BTBD3: variants seen among roughly 807,000 people sequenced by gnomAD.
BTBD3 encodes BTB domain containing 3, also known as BTB/POZ domain-containing protein 3.
In BTBD3, 14 loss-of-function variants were observed where a neutral mutation model predicts 41.6. The observed-to-expected ratio is 0.34, with a 90% confidence interval of 0.22 to 0.53. The LOEUF is 0.53. BTBD3 is among the 20% of genes least tolerant of loss of function. The pLI is 0.95. For synonymous variants in BTBD3, 249 were observed against 233.7 expected (o/e 1.07, Z -0.60); for missense variants, 426 against 654.7 (o/e 0.65, Z 3.81).
At position 11,924,285 on chromosome 20, in the gene BTBD3, A is replaced by G. The variant is rs41280294; in HGVS notation, c.*619A>G. 5,142 of 152,270 alleles carry G rather than the reference A, an allele frequency of 0.034. 169 individuals carry two copies. The highest frequency in any genetic ancestry group is 0.16 in the East Asian group (808 of 5,176). 9.4% of individuals were successfully genotyped at this position (152,270 alleles called of 1,614,324 possible). Reference sequence around the variant, plus strand: ...ATCAATGTAAAATTGGAAAATAAGGAACTGGGGGCATTTGTTTAGGCCATG... The same window carrying G: ...ATCAATGTAAAATTGGAAAATAAGGGACTGGGGGCATTTGTTTAGGCCATG... On this transcript the variant is annotated 3_prime_UTR_variant, in exon 4 of 4. Transcript: ENST00000378226.
At chr20:11,905,786 C>T (rs2056849729) in intron 1 of BTBD3, among the ~76,000 whole-genome samples, 1 of 152,128 alleles carries the variant, frequency 6.6e-6, no homozygotes, top group African/African-American at 2.4e-5. Flanking sequence ...GAAACTCTTG[C>T]CTTTTCTGTT....
At chr20:11,912,627 A>G (rs939596541) in intron 1 of BTBD3, among the ~76,000 whole-genome samples, 5 of 152,246 alleles carry the variant, frequency 3.3e-5, no homozygotes, top group African/African-American at 9.6e-5. Flanking sequence ...AGATGATTGC[A>G]TCACAAACGT....
chr20:11,915,134 CT>C (rs2122274437), upstream of BTBD3, among the ~76,000 whole-genome samples: 1 of 152,294 alleles, frequency 6.6e-6, no homozygotes, highest in East Asian at 1.9e-4. Context: ...TTTAAAAGTA[CT>C]AAGTGATTAT....
In BTBD3 at chr20:11,923,330, G is replaced by A; in HGVS notation, c.1233G>A (p.Gly411=). The A allele has an allele frequency of 1.2e-6, 2 of 1,614,196 alleles. No individual in the cohort carries two copies. Among genetic ancestry groups the A allele is most frequent in the Non-Finnish European group, 1.7e-6 (2 of 1,180,036 alleles). Residue 411 remains glycine (G), a synonymous_variant, in exon 4 of 4, where the codon GGG becomes GGA. Coordinates refer to ENST00000378226, the MANE Select transcript of BTBD3 (RefSeq NM_014962.4). The surrounding 1 kb of genome is among the most constrained non-coding windows in gnomAD (Gnocchi z 5.3). ...VDKRVFIAGF[G]LYGSSCGSAE... ...AAAGAGTGTTCATTGCTGGCTTTGG[G>A]CTGTATGGCTCCAGCTGTGGTTCTG...
intron 3 of BTBD3, among the ~76,000 whole-genome samples, chr20:11,921,336 A>AT (rs2056968300): frequency 6.6e-6 from 1 of 152,262 alleles, no homozygotes; most frequent in African/African-American, 2.4e-5. Context: ...AAAGCTTTAT[A>AT]AAATTATACA....
At chr20:11,911,987 A>C (rs997767620) in intron 1 of BTBD3, among the ~76,000 whole-genome samples, 7 of 152,126 alleles carry the variant, frequency 4.6e-5, no homozygotes, top group Non-Finnish European at 8.8e-5. Flanking sequence ...CCTGCCTTCT[A>C]AGAATTACCA....
chr20:11,919,650 T>C, intron 2 of BTBD3, 68 bp from the exon 3 acceptor site: 1 of 1,499,350 alleles, frequency 6.7e-7, no homozygotes, highest in Non-Finnish European at 9.3e-7. Flanking sequence ...TAGTGTTGTT[T>C]TTCTGCATTG....
At chr20:11,910,190 A>G (rs1177729628) in intron 1 of BTBD3, 1 of 152,026 alleles carries the variant, frequency 6.6e-6, no homozygotes, top group African/African-American at 2.4e-5. Flanking sequence ...GATCTGATGG[A>G]GGAGATGTTC....
Position 11,922,643 on chromosome 20 carries a change from T to C in BTBD3, c.546T>C (p.Tyr182=), listed in dbSNP as rs776267778. 6.2e-7 allele frequency: 1 copy of C among 1,612,888 alleles called. No homozygotes were observed. Among genetic ancestry groups the C allele is most frequent in the South Asian group, 1.1e-5 (1 of 90,900 alleles). ...TATGTGCTTTTTACAGATATATCTA[T>C]TGTGATGAAATTGACTTGGCTGCTG... ...AAFLAMLKYI[Y]CDEIDLAADT... is the part of the protein sequence containing the mutation. The change falls in exon 4 of 4, where the codon TAT becomes TAC. Residue 182 remains tyrosine (Y), a synonymous_variant. Coordinates refer to ENST00000378226, the MANE Select transcript of BTBD3 (RefSeq NM_014962.4).
Position 11,919,112 on chromosome 20 carries a change from T to G in BTBD3, c.353T>G (p.Leu118Trp). The part of the protein sequence containing the change: ...ERNAMMFNND[L>W]MADVHFVVGP... ...AATGCGATGATGTTCAATAATGATT[T>G]GATGGCAGATGTACATTTTGTGGTT... Residue 118 changes from leucine (L) to tryptophan (W), a missense_variant, in exon 2 of 4, where the codon TTG becomes TGG. By Grantham distance (61) the Leu-to-Trp change is moderately conservative. Around this residue, in one of 3 missense-constraint regions of BTBD3, gnomAD observed 321 missense variants for 534.8 expected, o/e 0.60. Transcript: ENST00000378226. 1 of 1,613,792 alleles carries G rather than the reference T, an allele frequency of 6.2e-7. No individual in the cohort carries two copies. Among genetic ancestry groups the G allele is most frequent in the Non-Finnish European group, 8.5e-7 (1 of 1,179,810 alleles).
chr20:11,906,846 G>C (rs549587856), intron 1 of BTBD3, among the ~76,000 whole-genome samples: 1 of 152,296 alleles, frequency 6.6e-6, no homozygotes, highest in East Asian at 1.9e-4. Context: ...TGAAGACTGG[G>C]TGTGTCTAAT....
At chr20:11,918,707 C>A in intron 1 of BTBD3, 106 bp downstream of exon 1, 1 of 1,257,010 alleles carries the variant, frequency 8.0e-7, no homozygotes, top group Non-Finnish European at 1.1e-6. Context: ...TCCTCTTTTC[C>A]CAGAAGCTTT....
At chr20:11,905,984 A>T (rs1380399365) in intron 1 of BTBD3, among the ~76,000 whole-genome samples, 1 of 152,172 alleles carries the variant, frequency 6.6e-6, no homozygotes, top group Non-Finnish European at 1.5e-5. Flanking sequence ...ACATGGAATG[A>T]ATTTACCTCA....
At chr20:11,909,687 A>G (rs2056877856) in intron 1 of BTBD3, 1 of 152,190 alleles carries the variant, frequency 6.6e-6, no homozygotes. Flanking sequence ...TTAAATAGTA[A>G]TTAATTGAGA....
chr20:11,915,697 ATGCT>A (rs2056913736), upstream of BTBD3, among the ~76,000 whole-genome samples: 1 of 152,198 alleles, frequency 6.6e-6, no homozygotes, highest in Non-Finnish European at 1.5e-5. Context: ...TTAAACAGCC[ATGCT>A]CATCAGTCCT....
At chr20:11,922,593 T>C in intron 3 of BTBD3, 41 bp from the exon 4 acceptor site, 1 of 1,549,324 alleles carries the variant, frequency 6.5e-7, no homozygotes, top group Non-Finnish European at 8.8e-7. Flanking sequence ...GATGTACTCA[T>C]TTTGTGAAAA....
At chr20:11,908,611 A>G (rs2056870570) in intron 1 of BTBD3, among the ~76,000 whole-genome samples, 1 of 151,830 alleles carries the variant, frequency 6.6e-6, no homozygotes, top group Non-Finnish European at 1.5e-5. Flanking sequence ...ACCTACTTAT[A>G]TAGTAGCTCT....
In BTBD3 at chr20:11,924,420, A is replaced by AG. The variant is rs1205420887; in HGVS notation, c.*754_*755insG. On this transcript the variant is annotated 3_prime_UTR_variant, in exon 4 of 4. Coordinates refer to ENST00000378226, the MANE Select transcript of BTBD3 (RefSeq NM_014962.4). ...ATTTTATTGTCAGTAGAAAAAAGTT[A>AG]AACTCCTACTAATTTAAACTAAGAC... The AG allele has an allele frequency of 6.6e-6, 1 of 152,312 alleles. No individual in the cohort carries two copies. The highest frequency in any genetic ancestry group is 1.5e-5 in the Non-Finnish European group (1 of 68,022). The allele number at this position is 152,312 out of a possible 1,614,324, so 9.4% of individuals were successfully genotyped here. A position where few individuals can be genotyped will look rare whatever the true frequency, so the allele number is the denominator to read the frequency against.
intron 1 of BTBD3, among the ~76,000 whole-genome samples, chr20:11,904,017 TA>T (rs774326491): frequency 2.0e-5 from 3 of 152,202 alleles, no homozygotes; most frequent in Non-Finnish European, 2.9e-5. Flanking sequence ...TACTGTTTTC[TA>T]GGAGAATGAA....
Sources: allele counts gnomAD v4.1 joint callset (sites outside exome capture counted in the v4.1 genomes callset), GRCh38; gene constraint gnomAD v4.1.1; regional missense constraint gnomAD v4.1.1; non-coding constraint Gnocchi (gnomAD v3.1); transcripts MANE v1.5; gene names NCBI Gene and HGNC (gene_info 2026-07-23, HGNC 2026-07-21).